The following CCDC144A variants were observed in gnomAD, a reference collection of about 807,000 sequenced individuals.
CCDC144A encodes the protein coiled-coil domain-containing protein 144A.
A neutral mutation model predicts 143.8 loss-of-function variants in CCDC144A; 41 were observed. That is an observed-to-expected ratio of 0.29 (90% CI 0.22 to 0.37). The LOEUF (loss-of-function observed/expected upper bound fraction) is 0.37, where lower values mean the gene tolerates loss of function less well. Ranked by LOEUF, CCDC144A falls within the 10% of genes least tolerant of loss-of-function variation. CCDC144A has a pLI of 1.00. For missense variants in CCDC144A, 637 were observed against 1,488.8 expected (o/e 0.43, Z 9.41); for synonymous variants, 242 against 517.9 (o/e 0.47, Z 7.23).
chr17:16,682,899 T>A, the CCDC144A span, among the ~76,000 whole-genome samples: 1 of 118,440 alleles, frequency 8.4e-6, no homozygotes, highest in Non-Finnish European at 1.8e-5. Flanking sequence ...TTTTTTTTTT[T>A]TTTTTTTTTT....
chr17:16,717,168 G>C (rs1485719252), intron 6 of CCDC144A, among the ~76,000 whole-genome samples: 1 of 145,994 alleles, frequency 6.8e-6, no homozygotes, highest in African/African-American at 2.6e-5. Context: ...CCAGGCTGGA[G>C]TGCAGTGGCA....
chr17:16,775,865 T>G lies in CCDC144A; in HGVS notation c.*2232T>G, dbSNP rs528973065. The G allele has an allele frequency of 6.6e-5, 10 of 152,418 alleles. No individual in the cohort carries two copies. Among genetic ancestry groups the G allele is most frequent in the Admixed American group, 3.3e-4 (5 of 15,306 alleles). 9.4% of individuals were successfully genotyped at this position (152,418 alleles called of 1,614,324 possible). ...TGTAGATTTAAGTCTTTAATCCATC[T>G]TGAGTTAACTTTTGTATATGGGTTA... On this transcript the variant is annotated 3_prime_UTR_variant, in exon 17 of 17. Coordinates refer to ENST00000399273, the MANE Select transcript of CCDC144A (RefSeq NM_001382000.1).
At chr17:16,666,865 A>G in the CCDC144A span, 55,366 of 152,764 alleles carry the variant, frequency 0.36, 11,078 homozygotes, top group East Asian at 0.56. Context: ...CGTTGGGCAC[A>G]GATCACCGCC....
At chr17:16,716,699 G>C (rs2143159688) in intron 6 of CCDC144A, among the ~76,000 whole-genome samples, 1 of 151,550 alleles carries the variant, frequency 6.6e-6, no homozygotes, top group East Asian at 1.9e-4. Context: ...TTAAGACTTG[G>C]TTTAATCTGT....
chr17:16,714,543 G>A (rs1275317804), intron 6 of CCDC144A, among the ~76,000 whole-genome samples: 5 of 152,074 alleles, frequency 3.3e-5, no homozygotes, highest in African/African-American at 1.2e-4. Context: ...GATCTTGTCA[G>A]GAGTACCTGA....
intron 15 of CCDC144A, among the ~76,000 whole-genome samples, chr17:16,767,790 T>G (rs1419858010): frequency 6.6e-6 from 1 of 152,266 alleles, no homozygotes; most frequent in Admixed American, 6.5e-5. Flanking sequence ...TATAACTGGT[T>G]GTTGAAACAA....
At chr17:16,669,030 G>A in the CCDC144A span, among the ~76,000 whole-genome samples, 34 of 152,042 alleles carry the variant, frequency 2.2e-4, no homozygotes, top group Admixed American at 3.9e-4. Flanking sequence ...CTTTCTTTCC[G>A]TTTCCATAGT....
chr17:16,755,848 A>G (rs1915058341), intron 12 of CCDC144A, among the ~76,000 whole-genome samples: 1 of 152,238 alleles, frequency 6.6e-6, no homozygotes, highest in Admixed American at 6.5e-5. Flanking sequence ...GGGATGAACC[A>G]CTGCACCTGG....
At chr17:16,756,330 C>T (rs1182356894) in intron 12 of CCDC144A, among the ~76,000 whole-genome samples, 6 of 152,058 alleles carry the variant, frequency 3.9e-5, no homozygotes, top group Non-Finnish European at 8.8e-5. Flanking sequence ...TTTTTGTTTG[C>T]CTGGCCTCAT....
At chr17:16,684,689 G>T (rs1041023840), upstream of CCDC144A, among the ~76,000 whole-genome samples, 2 of 151,948 alleles carry the variant, frequency 1.3e-5, no homozygotes, top group African/African-American at 4.8e-5. Flanking sequence ...TTGAGACTGG[G>T]CTCAGTGGTC....
chr17:16,743,447 T>C (rs1914347448), intron 12 of CCDC144A, among the ~76,000 whole-genome samples: 1 of 152,180 alleles, frequency 6.6e-6, no homozygotes, highest in South Asian at 2.1e-4. Flanking sequence ...ATTGGTTTAA[T>C]TTTCTATTTT....
intron 1 of CCDC144A, 64 bp from the exon 2 acceptor site, chr17:16,692,915 A>G: frequency 1.6e-6 from 2 of 1,285,748 alleles, no homozygotes; most frequent in Non-Finnish European, 2.1e-6. Context: ...TAAAAATTTA[A>G]TATATTTGGT....
At position 16,776,354 on chromosome 17, in the gene CCDC144A, G is replaced by T. The variant is rs1454663229; in HGVS notation, c.*2721G>T. The T allele has an allele frequency of 6.6e-6, 1 of 152,148 alleles. No individual in the cohort carries two copies. The highest frequency in any genetic ancestry group is 1.5e-5 in the Non-Finnish European group (1 of 68,058). 9.4% of individuals were successfully genotyped at this position (152,148 alleles called of 1,614,324 possible). On this transcript the variant is annotated 3_prime_UTR_variant, in exon 17 of 17. Coordinates refer to ENST00000399273, the MANE Select transcript of CCDC144A (RefSeq NM_001382000.1). ...TCTGTGAGCATATGTTTTTCCATTTGTTTGTGTCATCTCTGATTTCTTTGA... is the reference window on the plus strand; with the variant it reads ...TCTGTGAGCATATGTTTTTCCATTTTTTTGTGTCATCTCTGATTTCTTTGA...
In CCDC144A at chr17:16,697,836, C is replaced by T. The variant is rs71271900; in HGVS notation, c.415+4787C>T. Among the ~76,000 whole-genome samples the T allele has an allele frequency of 6.4e-3, 972 of 152,060 alleles. 19 individuals carry two copies. The highest frequency in any genetic ancestry group is 0.022 in the African/African-American group (926 of 41,354). On this transcript the variant is annotated intron_variant, in intron 2 of 16. Transcript: ENST00000399273. ...AGGTACAGTTAATATGATTTAGTGA[C>T]TGTTGAATGTAAAAAGATAGGGGAT...
At chr17:16,670,702 T>C in the CCDC144A span, among the ~76,000 whole-genome samples, 1 of 151,674 alleles carries the variant, frequency 6.6e-6, no homozygotes, top group East Asian at 2.0e-4. Flanking sequence ...GGAGACAGGG[T>C]TTCGCCATGG....
In CCDC144A at chr17:16,711,692, T is replaced by C. The variant is rs1912457394; in HGVS notation, c.1592T>C (p.Met531Thr). The C allele has an allele frequency of 6.2e-7, 1 of 1,606,154 alleles. No homozygotes were observed. Among genetic ancestry groups the C allele is most frequent in the African/African-American group, 1.3e-5 (1 of 74,628 alleles). ...CTCTCACTCAAGGTTGAAGAAGAAA[T>C]GGAGAAGCACAGAAGTAATAGCACA... ...VQLHKDVEEE[M>T]EKHRSNSTEL... Residue 531 changes from methionine (M) to threonine (T), a missense_variant, in exon 6 of 17, where the codon ATG (methionine) becomes ACG (threonine). Coordinates refer to ENST00000399273, the MANE Select transcript of CCDC144A (RefSeq NM_001382000.1).
intron 6 of CCDC144A, among the ~76,000 whole-genome samples, chr17:16,713,492 T>C (rs1912564996): frequency 6.6e-6 from 1 of 152,260 alleles, no homozygotes; most frequent in Admixed American, 6.5e-5. Flanking sequence ...ATTCGTGTTA[T>C]AGAATTCCAT....
At chr17:16,675,489 C>T in the CCDC144A span, among the ~76,000 whole-genome samples, 1 of 150,374 alleles carries the variant, frequency 6.7e-6, no homozygotes, top group Admixed American at 6.6e-5. Context: ...TTACAGCTTC[C>T]CACACTGAAA....
chr17:16,773,358 G>A, intron 16 of CCDC144A, 139 bp from the exon 17 acceptor site: 1 of 1,153,402 alleles, frequency 8.7e-7, no homozygotes, highest in Non-Finnish European at 1.2e-6. Context: ...TGAGGCAGGA[G>A]AATTGCTTAA....
Sources: allele counts gnomAD v4.1 joint callset (sites outside exome capture counted in the v4.1 genomes callset), GRCh38; gene constraint gnomAD v4.1.1; transcripts MANE v1.5; gene names NCBI Gene and HGNC (gene_info 2026-07-23, HGNC 2026-07-21).